TBL1X: variants seen among roughly 807,000 people sequenced by gnomAD.
The protein encoded by TBL1X is F-box-like/WD repeat-containing protein TBL1X.
Under a neutral mutation model 50.7 loss-of-function variants are expected in TBL1X, and 10 were observed. The ratio of observed to expected loss-of-function variants is 0.20; its 90% CI spans 0.12 to 0.33. The LOEUF is 0.33. Ranked by LOEUF, TBL1X falls within the 10% of genes least tolerant of loss-of-function variation. TBL1X has a pLI of 1.00. For missense variants in TBL1X, 340 were observed against 504.4 expected, an observed-to-expected ratio of 0.67 and a Z score of 3.12; for synonymous variants, 190 against 214.7, an observed-to-expected ratio of 0.88 and a Z score of 1.01.
chrX:9,570,661 AT>A (rs1187119015), intron 2 of TBL1X, among the ~76,000 whole-genome samples: 3 of 87,183 alleles, frequency 3.4e-5, no homozygotes, highest in East Asian at 3.8e-4. Flanking sequence ...TGGTTTCCAG[AT>A]TTTTTTTTTC....
Position 9,575,728 on chromosome X carries a change from G to T in TBL1X, c.-130-64545G>T, listed in dbSNP as rs188334913. The stretch of plus-strand genomic sequence containing the variant: ...ATTGGCTAACTTCCATCAGAGAAAT[G>T]TTGTTTGGTGGAGTTAAAAACAGAT... On this transcript the variant is annotated intron_variant, in intron 2 of 17. Coordinates refer to ENST00000645353, the MANE Select transcript of TBL1X (RefSeq NM_005647.4). Among the ~76,000 whole-genome samples, 461 of 112,104 alleles carry T rather than the reference G, an allele frequency of 4.1e-3. 2 individuals are homozygous for T. Among genetic ancestry groups the T allele is most frequent in the African/African-American group, 0.014 (443 of 30,732 alleles).
intron 5 of TBL1X, among the ~76,000 whole-genome samples, chrX:9,677,616 C>T (rs576844283): frequency 4.5e-5 from 5 of 111,202 alleles, no homozygotes; most frequent in South Asian, 7.8e-4. Flanking sequence ...CTCCTAGTTC[C>T]TCCCTCTCTC....
intron 2 of TBL1X, among the ~76,000 whole-genome samples, chrX:9,550,649 C>T (rs916379366): frequency 3.6e-5 from 4 of 111,536 alleles, no homozygotes; most frequent in Admixed American, 1.9e-4. Context: ...ATGTGGGGTA[C>T]CCTTTATTGC....
chrX:9,513,261 C>T (rs1367508169), intron 2 of TBL1X, among the ~76,000 whole-genome samples: 1 of 110,655 alleles, frequency 9.0e-6, no homozygotes, highest in African/African-American at 3.3e-5. Flanking sequence ...ATTAAACTAA[C>T]CCAGGTTGTT....
chrX:9,642,963 A>G (rs1296653658), intron 3 of TBL1X, among the ~76,000 whole-genome samples: 1 of 112,337 alleles, frequency 8.9e-6, no homozygotes, highest in Non-Finnish European at 1.9e-5. Flanking sequence ...CCTGGAGGTG[A>G]GGCTCCGAGA....
intron 2 of TBL1X, among the ~76,000 whole-genome samples, chrX:9,551,897 T>A (rs771578830): frequency 9.0e-6 from 1 of 111,186 alleles, no homozygotes; most frequent in Non-Finnish European, 1.9e-5. Context: ...AGGCTGTGAG[T>A]CTGGTGACCC....
chrX:9,684,902 C>A (rs1044662391), intron 6 of TBL1X, among the ~76,000 whole-genome samples: 1 of 112,280 alleles, frequency 8.9e-6, no homozygotes, highest in Admixed American at 9.4e-5. Context: ...GAGAGGGGCC[C>A]CACACATGGT....
chrX:9,555,869 A>G (rs1053539136), intron 2 of TBL1X, among the ~76,000 whole-genome samples: 1 of 111,320 alleles, frequency 9.0e-6, no homozygotes, highest in Non-Finnish European at 1.9e-5. Flanking sequence ...TCTCAGAAAG[A>G]TTGGTTGGAG....
chrX:9,565,454 C>T (rs970849086), intron 2 of TBL1X, among the ~76,000 whole-genome samples: 1 of 110,470 alleles, frequency 9.1e-6, no homozygotes. Flanking sequence ...ACCAACAATC[C>T]TTACCTATGT....
intron 1 of TBL1X, among the ~76,000 whole-genome samples, chrX:9,493,793 A>C (rs962602559): frequency 2.4e-4 from 27 of 111,178 alleles, no homozygotes; most frequent in African/African-American, 8.2e-4. Flanking sequence ...AACAAAAAAA[A>C]CCAAAAAACA....
rs1240837768 is a variant in TBL1X, at chrX:9,580,978, C to G, written c.-130-59295C>G. ...TGCTTGACCCCCACTTCCCGGCAGT[C>G]ATGGCCTGGTCCGTCTTTCAGGATA... On this transcript the variant is annotated intron_variant, in intron 2 of 17. Transcript: ENST00000645353. Among the ~76,000 whole-genome samples the G allele has an allele frequency of 4.5e-5, 5 of 111,908 alleles. No individual in the cohort carries two copies. The South Asian group carries it at 1.9e-3, about 42-fold the overall frequency.
intron 13 of TBL1X, 33 bp from the exon 14 acceptor site, chrX:9,709,215 A>G (rs2083229341): frequency 8.4e-7 from 1 of 1,196,492 alleles, no homozygotes. Flanking sequence ...ACAGGCCCTG[A>G]TGTCTTTTTC....
intron 1 of TBL1X, among the ~76,000 whole-genome samples, chrX:9,478,226 C>T (rs760252916): frequency 9.0e-6 from 1 of 110,896 alleles, no homozygotes; most frequent in Non-Finnish European, 1.9e-5. Context: ...AAAAGAGCTA[C>T]CTGTAGAAAG....
chrX:9,493,825 T>C (rs1250334595), intron 1 of TBL1X, among the ~76,000 whole-genome samples: 1 of 111,627 alleles, frequency 9.0e-6, no homozygotes, highest in East Asian at 2.8e-4. Flanking sequence ...TGTAGATTTT[T>C]GTTGTTGTTT....
At chrX:9,465,637 C>T (rs1178535571) in intron 1 of TBL1X, among the ~76,000 whole-genome samples, 190 bp downstream of exon 1, 1 of 112,702 alleles carries the variant, frequency 8.9e-6, no homozygotes, top group Non-Finnish European at 1.9e-5. Flanking sequence ...GCGGCGCGCT[C>T]CCAGGAGCCT....
At chrX:9,625,555 C>T (rs914553579) in intron 2 of TBL1X, among the ~76,000 whole-genome samples, 1 of 112,209 alleles carries the variant, frequency 8.9e-6, no homozygotes, top group Non-Finnish European at 1.9e-5. Flanking sequence ...CAAGGCCATA[C>T]TGGAATCCGG....
At chrX:9,543,186 G>A (rs12006717) in intron 2 of TBL1X, among the ~76,000 whole-genome samples, 1 of 111,707 alleles carries the variant, frequency 9.0e-6, no homozygotes, top group African/African-American at 3.3e-5. Context: ...GATTCTGGCC[G>A]CCTGTGCCTG....
At chrX:9,520,791 G>A (rs1197434053) in intron 2 of TBL1X, among the ~76,000 whole-genome samples, 1 of 110,986 alleles carries the variant, frequency 9.0e-6, no homozygotes, top group East Asian at 2.8e-4. Flanking sequence ...ACTTGTGGTT[G>A]AGTTAAACAG....
chrX:9,485,984 G>C (rs891181174), intron 1 of TBL1X, among the ~76,000 whole-genome samples: 3 of 110,938 alleles, frequency 2.7e-5, no homozygotes, highest in Non-Finnish European at 5.7e-5. Context: ...CTCTAGGCCA[G>C]GGCACTCCAT....
Sources: allele counts gnomAD v4.1 joint callset (sites outside exome capture counted in the v4.1 genomes callset), GRCh38; gene constraint gnomAD v4.1.1; transcripts MANE v1.5; gene names NCBI Gene and HGNC (gene_info 2026-07-23, HGNC 2026-07-21).